ZNF804B: variants seen among roughly 807,000 people sequenced by gnomAD.
ZNF804B encodes zinc finger protein 804B, also known as zinc finger 804B.
A neutral mutation model predicts 101.4 loss-of-function variants in ZNF804B; 80 were observed. The ratio of observed to expected loss-of-function variants is 0.79; its 90% CI spans 0.66 to 0.95. ZNF804B has a LOEUF of 0.95. ZNF804B is among the 40% of genes least tolerant of loss of function. ZNF804B has a pLI of 0.00. For synonymous variants in ZNF804B, 622 were observed against 558.8 expected (o/e 1.11, Z -1.59); for missense variants, 1,673 against 1,561.9 (o/e 1.07, Z -1.20).
intron 1 of ZNF804B, among the ~76,000 whole-genome samples, chr7:88,911,014 G>A (rs1792542052): frequency 6.6e-6 from 1 of 151,862 alleles, no homozygotes; most frequent in African/African-American, 2.4e-5. Context: ...ATAAGAGGGT[G>A]GTCAAATAAT....
intron 1 of ZNF804B, among the ~76,000 whole-genome samples, chr7:89,054,170 C>G (rs1789255733): frequency 6.6e-6 from 1 of 151,702 alleles, no homozygotes; most frequent in African/African-American, 2.4e-5. Context: ...CTGGTTCTCT[C>G]CTGCTGTGTT....
intron 2 of ZNF804B, among the ~76,000 whole-genome samples, chr7:89,229,566 C>G (rs1778549521): frequency 6.6e-6 from 1 of 152,120 alleles, no homozygotes. Flanking sequence ...ATATGTGATG[C>G]AAAACCTGAT....
rs1445484722 is a variant in ZNF804B at position 89,287,924 on chromosome 7, A to G, written c.250-39420A>G. The stretch of plus-strand genomic sequence containing the variant: ...ATCAAAGTATTTCAGATAATTTAAT[A>G]GATTTTCAGGAAAAAAAAAACCACA... On this transcript the variant is annotated intron_variant, in intron 2 of 3. Coordinates refer to ENST00000333190, the MANE Select transcript of ZNF804B (RefSeq NM_181646.5). Among the ~76,000 whole-genome samples the G allele has an allele frequency of 2.9e-5, 3 of 102,702 alleles. No homozygotes were observed. In the East Asian group the frequency reaches 6.1e-4, roughly 21 times the overall value. The allele number at this position is 102,702 out of a possible 152,430, so 67.4% of individuals were successfully genotyped here.
intron 2 of ZNF804B, among the ~76,000 whole-genome samples, chr7:89,228,811 G>A (rs1789138310): frequency 6.6e-6 from 1 of 152,204 alleles, no homozygotes; most frequent in Admixed American, 6.5e-5. Flanking sequence ...GCGCTATGGA[G>A]CAGGGGGTGG....
chr7:88,923,434 TATA>T (rs1313212435), intron 1 of ZNF804B, among the ~76,000 whole-genome samples: 1 of 152,164 alleles, frequency 6.6e-6, no homozygotes, highest in Non-Finnish European at 1.5e-5. Flanking sequence ...AAAATAAGTC[TATA>T]ATGTTTGTCA....
intron 1 of ZNF804B, among the ~76,000 whole-genome samples, chr7:89,147,298 T>G (rs1473595181): frequency 6.6e-6 from 1 of 151,964 alleles, no homozygotes; most frequent in East Asian, 1.9e-4. Context: ...ACCCAGGTAT[T>G]GGAGAGCAAT....
rs3916450 is a variant in ZNF804B at position 88,770,284 on chromosome 7, A to C, written c.108+10200A>C. 4.6e-3 allele frequency among the ~76,000 whole-genome samples: 694 copies of C among 152,302 alleles called. 5 individuals are homozygous for C. The highest frequency in any genetic ancestry group is 0.016 in the African/African-American group (669 of 41,564). ...GAGGATGAGATGATTATCCTGGATC[A>C]CACAGTGGGGTCCAACTTAATCACA... On this transcript the variant is annotated intron_variant, in intron 1 of 3. Coordinates refer to ENST00000333190, the MANE Select transcript of ZNF804B (RefSeq NM_181646.5).
intron 1 of ZNF804B, among the ~76,000 whole-genome samples, chr7:89,031,478 AAG>A (rs1281196080): frequency 2.9e-4 from 44 of 152,058 alleles, no homozygotes; most frequent in African/African-American, 9.2e-4. Context: ...CACAAGGTAG[AAG>A]ACAAATAAAA....
chr7:89,068,947 A>T (rs925319746), intron 1 of ZNF804B, among the ~76,000 whole-genome samples: 6 of 152,222 alleles, frequency 3.9e-5, no homozygotes, highest in African/African-American at 1.4e-4. Flanking sequence ...GGAAGGGGCC[A>T]GTGCCTCTGA....
rs1212589658 is a variant in ZNF804B, at chr7:89,274,871, C to G, written c.250-52473C>G. Among the ~76,000 whole-genome samples, 7 of 151,986 alleles carry G rather than the reference C, an allele frequency of 4.6e-5. No homozygotes were observed. In the East Asian group the frequency reaches 1.4e-3, roughly 29 times the overall value. ...TCTCACTGTGGATTCCTTCACATCT[C>G]CCATCCTCCAAATATTGGAAGTGTT... On this transcript the variant is annotated intron_variant, in intron 2 of 3. Transcript: ENST00000333190.
intron 1 of ZNF804B, among the ~76,000 whole-genome samples, chr7:89,015,316 T>C (rs977015077): frequency 1.3e-5 from 2 of 151,280 alleles, no homozygotes; most frequent in Non-Finnish European, 2.9e-5. Context: ...TCTTTTTTTT[T>C]AATTATTTTA....
chr7:88,893,991 C>A (rs1412442184), intron 1 of ZNF804B, among the ~76,000 whole-genome samples: 1 of 151,818 alleles, frequency 6.6e-6, no homozygotes, highest in Admixed American at 6.6e-5. Flanking sequence ...ATAAATAATA[C>A]CACCCAGTCT....
intron 1 of ZNF804B, among the ~76,000 whole-genome samples, chr7:89,206,619 G>A (rs957141664): frequency 6.6e-6 from 1 of 152,066 alleles, no homozygotes; most frequent in Non-Finnish European, 1.5e-5. Flanking sequence ...AGGCATGGTG[G>A]CTGGTGCCTG....
At chr7:89,065,133 G>T (rs572590231) in intron 1 of ZNF804B, among the ~76,000 whole-genome samples, 1 of 152,162 alleles carries the variant, frequency 6.6e-6, no homozygotes, top group Non-Finnish European at 1.5e-5. Flanking sequence ...AGAACCCTCC[G>T]ATAGGAGCTT....
At chr7:88,804,804 A>C (rs1027507211) in intron 1 of ZNF804B, among the ~76,000 whole-genome samples, 45 of 152,202 alleles carry the variant, frequency 3.0e-4, no homozygotes, top group African/African-American at 9.9e-4. Context: ...CATGGAATGG[A>C]GAAAATTTGA....
At chr7:89,203,575 T>C (rs768595187) in intron 1 of ZNF804B, among the ~76,000 whole-genome samples, 12 of 152,150 alleles carry the variant, frequency 7.9e-5, no homozygotes, top group Non-Finnish European at 1.6e-4. Flanking sequence ...TTTTTCACAA[T>C]TTCTAGTATT....
At chr7:88,790,841 T>G (rs2115682359) in intron 1 of ZNF804B, among the ~76,000 whole-genome samples, 1 of 151,956 alleles carries the variant, frequency 6.6e-6, no homozygotes, top group Admixed American at 6.6e-5. Flanking sequence ...AGTTTACATT[T>G]TGGATTTCAT....
intron 2 of ZNF804B, among the ~76,000 whole-genome samples, chr7:89,308,972 A>C (rs1252073845): frequency 6.6e-6 from 1 of 152,206 alleles, no homozygotes; most frequent in African/African-American, 2.4e-5. Flanking sequence ...TGAGAGAATT[A>C]GTAATTTTAT....
intron 1 of ZNF804B, among the ~76,000 whole-genome samples, chr7:88,905,344 G>A (rs529524029): frequency 3.2e-4 from 48 of 151,904 alleles, no homozygotes; most frequent in African/African-American, 1.0e-3. Flanking sequence ...GTTGAATACA[G>A]TATGCTAGTT....
Sources: gnomAD v4.1 joint callset for allele counts (sites outside exome capture counted in the v4.1 genomes callset) on GRCh38, gnomAD v4.1.1 for gene constraint, MANE v1.5 for transcripts, NCBI Gene and HGNC (gene_info 2026-07-23, HGNC 2026-07-21) for gene names.